Variants in BEST3 observed in about 807,000 individuals in gnomAD.
BEST3 encodes the protein bestrophin-3.
Under a neutral mutation model 47.1 loss-of-function variants are expected in BEST3, and 50 were observed. That is an observed-to-expected ratio of 1.06 (90% CI 0.85 to 1.34). BEST3 has a LOEUF of 1.34. Among genes scored for constraint, BEST3 ranks in the 40% most tolerant of loss-of-function variants. The pLI is 0.00. For missense variants in BEST3, 765 were observed against 817.0 expected (o/e 0.94, Z 0.78); for synonymous variants, 282 against 298.8 (o/e 0.94, Z 0.58).
downstream of BEST3, among the ~76,000 whole-genome samples, chr12:69,651,671 A>G (rs1200356155): frequency 6.6e-6 from 1 of 151,640 alleles, no homozygotes; most frequent in Admixed American, 6.6e-5. Context: ...GCTACTCGGG[A>G]GACTGAGGCA....
intron 8 of BEST3, among the ~76,000 whole-genome samples, chr12:69,672,282 C>T (rs549594723): frequency 6.6e-6 from 1 of 152,280 alleles, no homozygotes; most frequent in African/African-American, 2.4e-5. Flanking sequence ...AATGTGAAGG[C>T]CTTCACAGGG....
chr12:69,674,959 T>A (rs775500), intron 7 of BEST3, among the ~76,000 whole-genome samples: 123,563 of 146,416 alleles, frequency 0.84, 52,666 homozygotes, highest in Middle Eastern at 0.96. Context: ...GTGCAATGGC[T>A]TGATCTCGGC....
rs11177763 is a variant in BEST3 at position 69,646,228 on chromosome 12, G to C, written c.1101-2441C>G. Among the ~76,000 whole-genome samples the C allele has an allele frequency of 3.4e-4, 52 of 152,214 alleles. 1 individual carries two copies. The highest frequency in any genetic ancestry group is 9.8e-4 in the Admixed American group (15 of 15,288). ...GTTGGGATTACAGGCGTGAGCCACC[G>C]TGCCTGGCCTTGAGAGGGATTTTAA... On this transcript the variant is annotated intron_variant, in intron 9 of 9. Transcript: ENST00000331471.
At chr12:69,673,585 G>T (rs1884714313) in intron 7 of BEST3, among the ~76,000 whole-genome samples, 1 of 152,082 alleles carries the variant, frequency 6.6e-6, no homozygotes, top group South Asian at 2.1e-4. Context: ...CTACAGGCGA[G>T]CACTATCACA....
chr12:69,693,543 G>T (rs1229739168), intron 4 of BEST3, 131 bp downstream of exon 4: 3 of 777,864 alleles, frequency 3.9e-6, no homozygotes, highest in East Asian at 5.4e-5. Context: ...GGGATTACAG[G>T]CATGAGCCAC....
intron 9 of BEST3, chr12:69,661,220 T>C (rs1184544687): frequency 1.3e-5 from 2 of 152,178 alleles, no homozygotes; most frequent in African/African-American, 4.8e-5. Flanking sequence ...CGAGAGTGAT[T>C]AGGTAAATAT....
chr12:69,664,162 T>G (rs914244306), intron 9 of BEST3, among the ~76,000 whole-genome samples: 1 of 152,198 alleles, frequency 6.6e-6, no homozygotes, highest in Non-Finnish European at 1.5e-5. Flanking sequence ...ATTTTTAACA[T>G]GCCCCATGCA....
chr12:69,693,798 C>T lies in BEST3; in HGVS notation c.357G>A (p.Glu119=). ...GCGTCCTTCTAAGCAGGCGCCCGTGCTCGTCGCTTCCGTGAACACTGCTAG... is the reference window on the plus strand; with the variant it reads ...GCGTCCTTCTAAGCAGGCGCCCGTGTTCGTCGCTTCCGTGAACACTGCTAG... The part of the protein sequence containing the change: ...LISSSVHGSD[E]HGRLLRRTLM... Residue 119 remains glutamate (E), a synonymous_variant, in exon 4 of 10, where the codon GAG becomes GAA. Transcript: ENST00000330891. 1 of 1,614,196 alleles carries T rather than the reference C, an allele frequency of 6.2e-7. No homozygotes were observed. Among genetic ancestry groups the T allele is most frequent in the Non-Finnish European group, 8.5e-7 (1 of 1,180,048 alleles).
intron 9 of BEST3, among the ~76,000 whole-genome samples, chr12:69,662,029 A>G (rs1565824685): frequency 2.0e-5 from 3 of 152,196 alleles, no homozygotes; most frequent in Non-Finnish European, 1.5e-5. Context: ...GTTATATTCT[A>G]TAGGAATTTT....
At chr12:69,679,884 G>GGT (rs373396343) in intron 4 of BEST3, among the ~76,000 whole-genome samples, 6,033 of 147,430 alleles carry the variant, frequency 0.041, 169 homozygotes, top group African/African-American at 0.072. Context: ...AGGGTTTCTT[G>GGT]GTGTGTGTGT....
At chr12:69,688,458 T>C (rs1193633908) in intron 4 of BEST3, among the ~76,000 whole-genome samples, 1 of 152,264 alleles carries the variant, frequency 6.6e-6, no homozygotes, top group Non-Finnish European at 1.5e-5. Context: ...ACTTTTTTAT[T>C]TTTAATTTGA....
At chr12:69,673,397 T>C (rs1471105304) in intron 7 of BEST3, among the ~76,000 whole-genome samples, 1 of 152,300 alleles carries the variant, frequency 6.6e-6, no homozygotes, top group African/African-American at 2.4e-5. Context: ...AAGACTTAAA[T>C]CACACTTAAA....
Position 69,698,153 on chromosome 12 carries a change from CT to C in BEST3, c.-15-341del, listed in dbSNP as rs1170930991. 2.0e-5 allele frequency among the ~76,000 whole-genome samples: 3 copies of C among 152,218 alleles called. No homozygotes were observed. The East Asian group carries it at 5.8e-4, about 29-fold the overall frequency. ...TCGTGAGAATTTAATTGATGGGGCA[CT>C]TTTGGTGGGTTTGATTGCATGTAGA... On this transcript the variant is annotated intron_variant, in intron 1 of 9. Coordinates refer to ENST00000330891, the MANE Select transcript of BEST3 (RefSeq NM_032735.3).
At chr12:69,670,977 G>C (rs561369527) in intron 9 of BEST3, among the ~76,000 whole-genome samples, 2 of 151,946 alleles carry the variant, frequency 1.3e-5, no homozygotes, top group Non-Finnish European at 2.9e-5. Context: ...TTTACTTCAG[G>C]CCTCAACTCA....
rs762019181 is a variant in BEST3 at position 69,694,460 on chromosome 12, A to G, written c.157T>C (p.Leu53=). ...TAACGTTTTTGGACTCCTGTAAGTA[A>G]CAATCTGGAGCAAAAATAAAATGCA... ...YTAISLVYRL[L]LTGVQKRYFE... Residue 53 remains leucine, a synonymous_variant, in exon 3 of 10, where the codon TTA becomes CTA. Coordinates refer to ENST00000330891, the MANE Select transcript of BEST3 (RefSeq NM_032735.3). The G allele has an allele frequency of 3.0e-5, 47 of 1,585,208 alleles. No homozygotes were observed. In the East Asian group the frequency reaches 1.0e-3, roughly 34 times the overall value.
rs1291532250 is a variant in BEST3, at chr12:69,697,830, A to G, written c.-15-17T>C. 6.3e-7 allele frequency: 1 copy of G among 1,587,234 alleles called. No homozygotes were observed. Among genetic ancestry groups the G allele is most frequent in the Admixed American group, 1.8e-5 (1 of 54,170 alleles). Reference sequence around the variant, plus strand: ...TAGTTTTTTCTAGAAGAGCAAGAAGACAAAACACAAGTAAAAAGCAATGTT... The same window carrying G: ...TAGTTTTTTCTAGAAGAGCAAGAAGGCAAAACACAAGTAAAAAGCAATGTT... On this transcript the variant is annotated splice_polypyrimidine_tract_variant and intron_variant, in intron 1 of 9. Transcript: ENST00000330891.
chr12:69,646,364 T>G (rs1883035592), intron 9 of BEST3, among the ~76,000 whole-genome samples: 1 of 152,256 alleles, frequency 6.6e-6, no homozygotes, highest in African/African-American at 2.4e-5. Flanking sequence ...GATTGAGATT[T>G]TCAGGTCTAC....
At chr12:69,674,805 G>A (rs775501) in intron 7 of BEST3, among the ~76,000 whole-genome samples, 132,385 of 152,058 alleles carry the variant, frequency 0.87, 57,811 homozygotes, top group Middle Eastern at 0.97. Flanking sequence ...TAGCTTTTCT[G>A]CACTTAGAAA....
chr12:69,681,851 C>T (rs891470983), intron 4 of BEST3, among the ~76,000 whole-genome samples: 103 of 152,134 alleles, frequency 6.8e-4, no homozygotes, highest in African/African-American at 2.4e-3. Flanking sequence ...GAGGCCGAGG[C>T]GGGTGGATCA....
Sources: allele counts gnomAD v4.1 joint callset (sites outside exome capture counted in the v4.1 genomes callset), GRCh38; gene constraint gnomAD v4.1.1; transcripts MANE v1.5; gene names NCBI Gene and HGNC (gene_info 2026-07-23, HGNC 2026-07-21).